SAMD5: variants seen among roughly 807,000 people sequenced by gnomAD.
SAMD5 encodes sterile alpha motif domain containing 5, also known as sterile alpha motif domain-containing protein 5.
In SAMD5, 13 loss-of-function variants were observed where a neutral mutation model predicts 11.3. The ratio of observed to expected loss-of-function variants is 1.15; its 90% confidence interval spans 0.75 to 1.83. The LOEUF (loss-of-function observed/expected upper bound fraction) is 1.83, where lower values mean the gene tolerates loss of function less well. Among genes scored for constraint, SAMD5 ranks in the 40% most tolerant of loss-of-function variants. SAMD5 has a pLI of 0.00. For missense variants in SAMD5, 255 were observed against 239.1 expected (o/e 1.07, Z -0.44); for synonymous variants, 129 against 111.3 (o/e 1.16, Z -1.00).
chr6:147,699,939 AATTC>A (rs1407059634), intron 1 of SAMD5, among the ~76,000 whole-genome samples: 1 of 152,230 alleles, frequency 6.6e-6, no homozygotes, highest in Non-Finnish European at 1.5e-5. Flanking sequence ...GCAAGATTGA[AATTC>A]ATTATTACTG....
chr6:147,624,439 T>TA (rs1237470116), intron 1 of SAMD5, among the ~76,000 whole-genome samples: 1 of 152,208 alleles, frequency 6.6e-6, no homozygotes, highest in African/African-American at 2.4e-5. Context: ...TTAAAAACGT[T>TA]ACGTTTCATA....
the SAMD5 span, among the ~76,000 whole-genome samples, chr6:147,767,585 C>T: frequency 2.0e-5 from 3 of 152,058 alleles, no homozygotes; most frequent in Admixed American, 6.6e-5. Context: ...GGGATTGAAG[C>T]CCTTATAAAG....
chr6:147,828,566 G>A, the SAMD5 span, among the ~76,000 whole-genome samples: 2 of 152,142 alleles, frequency 1.3e-5, no homozygotes, highest in Non-Finnish European at 2.9e-5. Context: ...TTTAACCTCT[G>A]AGCCTATGTC....
chr6:147,538,600 T>C (rs1033981378), intron 1 of SAMD5, among the ~76,000 whole-genome samples: 1 of 152,348 alleles, frequency 6.6e-6, no homozygotes, highest in East Asian at 1.9e-4. Context: ...AAGGTTTGAC[T>C]GTTTTCAGCA....
At chr6:147,706,435 C>T (rs1445933483) in intron 1 of SAMD5, among the ~76,000 whole-genome samples, 2 of 152,154 alleles carry the variant, frequency 1.3e-5, no homozygotes, top group African/African-American at 2.4e-5. Context: ...ACCATGTTGA[C>T]CAGGCTGCTC....
At chr6:147,664,739 A>T (rs537863764) in intron 1 of SAMD5, among the ~76,000 whole-genome samples, 33 of 152,324 alleles carry the variant, frequency 2.2e-4, no homozygotes, top group Non-Finnish European at 4.0e-4. Flanking sequence ...ATATATATTT[A>T]TAATGTATAT....
the SAMD5 span, among the ~76,000 whole-genome samples, chr6:147,884,384 T>G: frequency 6.6e-6 from 1 of 152,212 alleles, no homozygotes; most frequent in Non-Finnish European, 1.5e-5. Context: ...CCGGGACACC[T>G]GCAGTTGCAG....
intron 1 of SAMD5, among the ~76,000 whole-genome samples, chr6:147,668,917 A>G (rs780903808): frequency 2.6e-5 from 4 of 152,222 alleles, no homozygotes; most frequent in Non-Finnish European, 4.4e-5. Flanking sequence ...AACAATGTAC[A>G]TAACTTAATT....
chr6:147,877,407 C>T, the SAMD5 span, among the ~76,000 whole-genome samples: 2 of 151,896 alleles, frequency 1.3e-5, no homozygotes, highest in African/African-American at 2.4e-5. Context: ...ACAGAGAAAC[C>T]GACTTCAAAT....
chr6:147,849,939 A>T, the SAMD5 span, among the ~76,000 whole-genome samples: 343 of 152,364 alleles, frequency 2.3e-3, 1 homozygote, highest in African/African-American at 7.8e-3. Context: ...TCTGAAGATA[A>T]GAGTGACATA....
intron 1 of SAMD5, among the ~76,000 whole-genome samples, chr6:147,524,166 A>G (rs1193945967): frequency 6.6e-6 from 1 of 152,064 alleles, no homozygotes; most frequent in East Asian, 1.9e-4. Context: ...TCATGTTGAT[A>G]TACCTACCTT....
chr6:147,667,139 C>G (rs1309537947), intron 1 of SAMD5, among the ~76,000 whole-genome samples: 1 of 152,124 alleles, frequency 6.6e-6, no homozygotes, highest in African/African-American at 2.4e-5. Flanking sequence ...CTTACATATC[C>G]GGGTCCTCAC....
At chr6:147,674,568 T>C (rs1462583024) in intron 1 of SAMD5, among the ~76,000 whole-genome samples, 1 of 152,204 alleles carries the variant, frequency 6.6e-6, no homozygotes, top group East Asian at 1.9e-4. Flanking sequence ...GCACTGTTTG[T>C]ATAGGACTTC....
At chr6:147,822,028 ATAT>A in the SAMD5 span, among the ~76,000 whole-genome samples, 1 of 152,234 alleles carries the variant, frequency 6.6e-6, no homozygotes, top group Non-Finnish European at 1.5e-5. Flanking sequence ...GCATTATCTA[ATAT>A]TATTGATTTG....
rs1789038331 is a variant in SAMD5, at chr6:147,566,234, A to G, written c.*1778A>G. Reference sequence around the variant, plus strand: ...AAAAGCATGTATAGGTTGTCCTTAAATTATACAAAAGCTTTTAGTTTCATC... The same window carrying G: ...AAAAGCATGTATAGGTTGTCCTTAAGTTATACAAAAGCTTTTAGTTTCATC... On this transcript the variant is annotated 3_prime_UTR_variant, in exon 2 of 2. Transcript: ENST00000367474. 4 of 978,970 alleles carry G rather than the reference A, an allele frequency of 4.1e-6. No homozygotes were observed. The highest frequency in any genetic ancestry group is 4.9e-6 in the Non-Finnish European group (4 of 824,062). 60.6% of individuals were successfully genotyped at this position (978,970 alleles called of 1,614,324 possible).
the SAMD5 span, among the ~76,000 whole-genome samples, chr6:147,938,443 C>A: frequency 6.6e-6 from 1 of 152,172 alleles, no homozygotes; most frequent in Non-Finnish European, 1.5e-5. Flanking sequence ...ACAAACTCTA[C>A]ACTCATGGAG....
the SAMD5 span, among the ~76,000 whole-genome samples, chr6:147,795,598 G>A: frequency 1.3e-5 from 2 of 149,458 alleles, no homozygotes; most frequent in African/African-American, 2.5e-5. Context: ...GGATGGCTGG[G>A]TCAAATGGTA....
rs934166568 is a variant in SAMD5, at chr6:147,569,746, G to A, written c.*5290G>A. 128 of 985,268 alleles carry A rather than the reference G, an allele frequency of 1.3e-4. No homozygotes were observed. The highest frequency in any genetic ancestry group is 1.5e-4 in the Non-Finnish European group (126 of 829,886). 61.0% of individuals were successfully genotyped at this position (985,268 alleles called of 1,614,324 possible). On this transcript the variant is annotated 3_prime_UTR_variant, in exon 2 of 2. Transcript: ENST00000367474. The stretch of plus-strand genomic sequence containing the variant: ...ATAGAAAATTTCTGCCCCTACAGAA[G>A]TGTGTGCATGGGCCTTGGAAAATCT...
At chr6:147,938,581 C>T in the SAMD5 span, among the ~76,000 whole-genome samples, 1 of 152,214 alleles carries the variant, frequency 6.6e-6, no homozygotes, top group African/African-American at 2.4e-5. Context: ...AGCCCACTAC[C>T]CACAAGGGAA....
Sources: allele counts gnomAD v4.1 joint callset (sites outside exome capture counted in the v4.1 genomes callset), GRCh38; gene constraint gnomAD v4.1.1; transcripts MANE v1.5; gene names NCBI Gene and HGNC (gene_info 2026-07-23, HGNC 2026-07-21).